ZCCHC4: variants seen among roughly 807,000 people sequenced by gnomAD.
The protein encoded by ZCCHC4 is zinc finger CCHC-type containing 4, also known as rRNA N(6)-adenosine-methyltransferase ZCCHC4.
Under a neutral mutation model 67.7 loss-of-function variants are expected in ZCCHC4, and 54 were observed. That is an observed-to-expected ratio of 0.80 (90% CI 0.64 to 1.00). The LOEUF (loss-of-function observed/expected upper bound fraction) is 1.00. Ranked by LOEUF, ZCCHC4 falls within the 50% of genes least tolerant of loss-of-function variation. The probability of loss-of-function intolerance (pLI) is 0.00; values close to 1 mark genes in which losing one functional copy is unlikely to be tolerated. For missense variants in ZCCHC4, 609 were observed against 617.0 expected (o/e 0.99, Z 0.14); for synonymous variants, 198 against 213.5 (o/e 0.93, Z 0.63).
At chr4:25,323,990 C>G (rs964578002) in intron 3 of ZCCHC4, among the ~76,000 whole-genome samples, 1 of 117,812 alleles carries the variant, frequency 8.5e-6, no homozygotes, top group Non-Finnish European at 1.8e-5. Flanking sequence ...TAAAGGTAAT[C>G]GTACAGTATG....
intron 3 of ZCCHC4, among the ~76,000 whole-genome samples, chr4:25,318,340 A>ATTT (rs1718387061): frequency 1.6e-5 from 1 of 64,108 alleles, no homozygotes; most frequent in Non-Finnish European, 3.4e-5. Context: ...TTTTTTTTTC[A>ATTT]CTCTCTCTCT....
At chr4:25,365,235 T>C (rs1720896369) in intron 12 of ZCCHC4, 69 bp downstream of exon 12, 1 of 1,585,408 alleles carries the variant, frequency 6.3e-7, no homozygotes, top group Non-Finnish European at 8.6e-7. Context: ...CACAAAAGCA[T>C]GCAACATTCA....
intron 3 of ZCCHC4, among the ~76,000 whole-genome samples, chr4:25,316,408 T>C (rs901169430): frequency 6.6e-6 from 1 of 152,258 alleles, no homozygotes; most frequent in Non-Finnish European, 1.5e-5. Context: ...TTTTCCATAG[T>C]GGCTGCACCA....
In ZCCHC4 at chr4:25,333,999, A is replaced by G; in HGVS notation, c.686+11A>G. The G allele has an allele frequency of 6.5e-7, 1 of 1,539,344 alleles. No individual in the cohort carries two copies. The highest frequency in any genetic ancestry group is 2.3e-5 in the East Asian group (1 of 44,206). ...GGATATTGATTTTCGGTAGGTTTAC[A>G]AAATACAGTATTTCCTTTCATTGTC... On this transcript the variant is annotated intron_variant, in intron 5 of 12. Transcript: ENST00000302874.
At position 25,369,149 on chromosome 4, in the gene ZCCHC4, A is replaced by G. The variant is rs1427654960; in HGVS notation, c.1527A>G (p.Gln509=). The change falls in exon 13 of 13, where the codon CAA becomes CAG. Residue 509 remains glutamine (Q), a synonymous_variant. Transcript: ENST00000302874. ...AGAAAAGGAGGGAAAGAGCCCATCA[A>G]TATCTTGGCTCTTAAATGTCCAGTG... ...RRKKRRERAH[Q]YLGS is the part of the protein sequence containing the mutation. 1.2e-6 allele frequency: 2 copies of G among 1,612,274 alleles called. No homozygotes were observed. The highest frequency in any genetic ancestry group is 8.5e-7 in the Non-Finnish European group (1 of 1,179,594).
intron 3 of ZCCHC4, among the ~76,000 whole-genome samples, chr4:25,331,076 C>T (rs1719158725): frequency 6.6e-6 from 1 of 152,154 alleles, no homozygotes; most frequent in Non-Finnish European, 1.5e-5. Flanking sequence ...ATTCCTTGGG[C>T]TGTGTTTCGG....
At chr4:25,321,169 T>C (rs2109051456) in intron 3 of ZCCHC4, among the ~76,000 whole-genome samples, 1 of 152,266 alleles carries the variant, frequency 6.6e-6, no homozygotes, top group East Asian at 1.9e-4. Flanking sequence ...CTTTTCTCTG[T>C]CTGTCTCTTT....
chr4:25,316,332 G>A (rs904016541), intron 3 of ZCCHC4, among the ~76,000 whole-genome samples: 3 of 151,988 alleles, frequency 2.0e-5, no homozygotes, highest in African/African-American at 7.3e-5. Flanking sequence ...AATTCTTTTG[G>A]GTATATACCT....
At chr4:25,342,128 G>T (rs777236216) in intron 5 of ZCCHC4, among the ~76,000 whole-genome samples, 11 of 152,080 alleles carry the variant, frequency 7.2e-5, no homozygotes, top group Non-Finnish European at 1.5e-4. Flanking sequence ...TTCTGTAGAG[G>T]TCAACAATAG....
intron 5 of ZCCHC4, among the ~76,000 whole-genome samples, chr4:25,338,508 C>A (rs1719577493): frequency 6.6e-6 from 1 of 152,206 alleles, no homozygotes; most frequent in South Asian, 2.1e-4. Flanking sequence ...ATTTTCATCA[C>A]CTTCAGAAGA....
chr4:25,324,752 AG>A (rs1178503433), intron 3 of ZCCHC4, among the ~76,000 whole-genome samples: 3 of 152,182 alleles, frequency 2.0e-5, no homozygotes, highest in Non-Finnish European at 2.9e-5. Context: ...GCCATTGTGA[AG>A]TGACATTGTA....
chr4:25,322,157 T>G (rs1222119087), intron 3 of ZCCHC4, among the ~76,000 whole-genome samples: 1 of 152,150 alleles, frequency 6.6e-6, no homozygotes, highest in African/African-American at 2.4e-5. Context: ...GCTGACAGGC[T>G]CTCTTTTTAT....
chr4:25,366,042 A>G (rs1373283255), intron 12 of ZCCHC4: 1 of 977,506 alleles, frequency 1.0e-6, no homozygotes, highest in Non-Finnish European at 1.2e-6. Context: ...CCATGTGACT[A>G]TGACTTGTAA....
intron 3 of ZCCHC4, among the ~76,000 whole-genome samples, chr4:25,318,797 T>TG (rs33910705): frequency 0.069 from 10,416 of 151,614 alleles, 437 homozygotes; most frequent in African/African-American, 0.11. Flanking sequence ...TTATTTTTTT[T>TG]GGGGGGCCAT....
rs369522682 is a variant in ZCCHC4, at chr4:25,312,863, G to A, written c.54G>A (p.Gly18=). 1 of 1,613,182 alleles carries A rather than the reference G, an allele frequency of 6.2e-7. No individual in the cohort carries two copies. Among genetic ancestry groups the A allele is most frequent in the Non-Finnish European group, 8.5e-7 (1 of 1,180,024 alleles). Residue 18 remains glycine (G), a synonymous_variant, in exon 1 of 13, where the codon GGG becomes GGA. Transcript: ENST00000302874. Reference sequence around the variant, plus strand: ...CCGTGGAGGCAGAGGGCAGCGCAGGGTGCCGGGGAAGCTCGGGAATGGAGG... The same window carrying A: ...CCGTGGAGGCAGAGGGCAGCGCAGGATGCCGGGGAAGCTCGGGAATGGAGG... The part of the protein sequence containing the change: ...FEAVEAEGSA[G]CRGSSGMEVV...
intron 5 of ZCCHC4, among the ~76,000 whole-genome samples, chr4:25,344,241 A>G (rs1719888307): frequency 6.6e-6 from 1 of 152,064 alleles, no homozygotes; most frequent in Non-Finnish European, 1.5e-5. Context: ...TGCACTGCCA[A>G]TGGCTTTTTA....
chr4:25,314,016 T>TG, intron 1 of ZCCHC4, 30 bp from the exon 2 acceptor site: 1 of 788,480 alleles, frequency 1.3e-6, no homozygotes, highest in Middle Eastern at 3.1e-4. Context: ...TACTTGACAC[T>TG]TTTTTTTTTT....
At chr4:25,330,994 G>T (rs2109062216) in intron 3 of ZCCHC4, among the ~76,000 whole-genome samples, 1 of 152,180 alleles carries the variant, frequency 6.6e-6, no homozygotes, top group South Asian at 2.1e-4. Flanking sequence ...TGTCCTCCCT[G>T]GTTATTCGCC....
chr4:25,312,922 C>T lies in ZCCHC4; in HGVS notation c.113C>T (p.Pro38Leu), dbSNP rs1553894689. Residue 38 changes from proline (P) to leucine (L), a missense_variant, in exon 1 of 13, where the codon CCG (proline) becomes CTG (leucine). Coordinates refer to ENST00000302874, the MANE Select transcript of ZCCHC4 (RefSeq NM_024936.3). Reference protein sequence around the residue: ...VLPLDPAVPAPLCPHGPTLLF... With the variant: ...VLPLDPAVPALLCPHGPTLLF... ...CCTTTGGATCCTGCCGTCCCCGCCCCGCTGTGCCCTCACGGTGGGTCAGAG... is the reference window on the plus strand; with the variant it reads ...CCTTTGGATCCTGCCGTCCCCGCCCTGCTGTGCCCTCACGGTGGGTCAGAG... The T allele has an allele frequency of 4.3e-6, 7 of 1,612,604 alleles. No homozygotes were observed. The highest frequency in any genetic ancestry group is 3.3e-5 in the South Asian group (3 of 91,008).
Sources: gnomAD v4.1 joint callset for allele counts (sites outside exome capture counted in the v4.1 genomes callset) on GRCh38, gnomAD v4.1.1 for gene constraint, MANE v1.5 for transcripts, NCBI Gene and HGNC (gene_info 2026-07-23, HGNC 2026-07-21) for gene names.